Variants in EVI5 observed in about 807,000 individuals in gnomAD.
EVI5 encodes ecotropic viral integration site 5.
EVI5 carries 73 observed loss-of-function variants against 112.0 expected under a neutral mutation model. That is an observed-to-expected ratio of 0.65 (90% CI 0.54 to 0.79). The LOEUF (loss-of-function observed/expected upper bound fraction) is 0.79, where lower values mean the gene tolerates loss of function less well. Among genes scored for constraint, EVI5 ranks in the 30% least tolerant of loss-of-function variants. The pLI, the probability that EVI5 is intolerant of heterozygous loss-of-function variation, is 0.00. For missense variants in EVI5, 900 were observed against 968.8 expected (o/e 0.93, Z 0.94); for synonymous variants, 305 against 319.9 (o/e 0.95, Z 0.50).
chr1:92,610,790 GA>G (rs916239686), intron 16 of EVI5, among the ~76,000 whole-genome samples: 37 of 147,186 alleles, frequency 2.5e-4, no homozygotes, highest in South Asian at 1.5e-3. Flanking sequence ...GGATAAAATA[GA>G]AAAAAAAAAG....
intron 1 of EVI5, among the ~76,000 whole-genome samples, chr1:92,777,446 G>A (rs531180802): frequency 4.6e-5 from 7 of 152,074 alleles, no homozygotes; most frequent in East Asian, 1.9e-4. Flanking sequence ...CAAATAGCTC[G>A]TTAAACCGGA....
intron 5 of EVI5, among the ~76,000 whole-genome samples, chr1:92,699,091 C>G (rs1254401811): frequency 6.6e-6 from 1 of 152,170 alleles, no homozygotes; most frequent in Admixed American, 6.5e-5. Flanking sequence ...AATAACAAGA[C>G]ATTTTTCCTG....
chr1:92,546,941 A>G (rs1309291252), intron 19 of EVI5, among the ~76,000 whole-genome samples: 3 of 152,200 alleles, frequency 2.0e-5, no homozygotes, highest in Non-Finnish European at 4.4e-5. Context: ...CAGATTAACG[A>G]GACAGAAAGT....
rs553403427 is a variant in EVI5 at position 92,575,291 on chromosome 1, G to A, written c.2071-11554C>T. Among the ~76,000 whole-genome samples the A allele has an allele frequency of 1.7e-3, 260 of 152,206 alleles. 1 individual carries two copies. The highest frequency in any genetic ancestry group is 5.6e-3 in the African/African-American group (232 of 41,510). On this transcript the variant is annotated intron_variant, in intron 18 of 19. Transcript: ENST00000684568. ...CACAGATTTTTTTCCTGAACCACTG[G>A]AATGTAAATTGCAGGTGTCATGACA...
chr1:92,712,878 C>T (rs1343531949), intron 2 of EVI5, among the ~76,000 whole-genome samples: 2 of 151,492 alleles, frequency 1.3e-5, no homozygotes, highest in African/African-American at 4.8e-5. Context: ...TAATGCAGTC[C>T]ACTTATGCAA....
At chr1:92,650,236 T>C (rs1020454089) in intron 13 of EVI5, among the ~76,000 whole-genome samples, 3 of 152,244 alleles carry the variant, frequency 2.0e-5, no homozygotes, top group Non-Finnish European at 4.4e-5. Context: ...TTTGATAGGT[T>C]TGATAGGATT....
chr1:92,747,165 T>C (rs1679386161), intron 1 of EVI5, among the ~76,000 whole-genome samples: 1 of 152,112 alleles, frequency 6.6e-6, no homozygotes. Context: ...CAGTACTGTA[T>C]AACAACTACT....
rs564037909 is a variant in EVI5 at position 92,613,179 on chromosome 1, G to A, written c.1828-5452C>T. Among the ~76,000 whole-genome samples, 8 of 152,276 alleles carry A rather than the reference G, an allele frequency of 5.3e-5. No individual in the cohort carries two copies. In the East Asian group the frequency reaches 1.5e-3, roughly 29 times the overall value. ...GAAAGCCATTGCATCTTGGGGAAGG[G>A]GCAGAACTGCGTTTTGTGCCTAGTA... On this transcript the variant is annotated intron_variant, in intron 16 of 19. Transcript: ENST00000684568.
chr1:92,602,749 T>C (rs1293088786), intron 18 of EVI5, among the ~76,000 whole-genome samples: 1 of 152,142 alleles, frequency 6.6e-6, no homozygotes, highest in Non-Finnish European at 1.5e-5. Context: ...CTTTTGAAGA[T>C]AGTTTTGATA....
At chr1:92,620,858 C>A (rs1654399038) in intron 16 of EVI5, among the ~76,000 whole-genome samples, 1 of 152,090 alleles carries the variant, frequency 6.6e-6, no homozygotes, top group African/African-American at 2.4e-5. Context: ...TTTTCAATTT[C>A]TATGAAAGAA....
chr1:92,618,977 A>G (rs1653875552), intron 16 of EVI5, among the ~76,000 whole-genome samples: 1 of 152,198 alleles, frequency 6.6e-6, no homozygotes, highest in African/African-American at 2.4e-5. Context: ...TAGTTGTATT[A>G]TGTTAGGCAT....
rs183373321 is a variant in EVI5, at chr1:92,509,939, G to A, written c.*3717C>T. 10 of 152,142 alleles carry A rather than the reference G, an allele frequency of 6.6e-5. No homozygotes were observed. The East Asian group carries it at 1.5e-3, about 23-fold the overall frequency. The allele number at this position is 152,142 out of a possible 1,614,324, so 9.4% of individuals were successfully genotyped here. On this transcript the variant is annotated 3_prime_UTR_variant, in exon 20 of 20. Coordinates refer to ENST00000684568, the MANE Select transcript of EVI5 (RefSeq NM_001350197.2). ...TGTCAGTAATTAAATAAAATTCATC[G>A]AGAACATTGTTCAATGCTTCAAAGT... is the stretch of plus-strand genomic sequence containing the variant.
chr1:92,698,070 C>T, intron 5 of EVI5, 85 bp from the exon 6 acceptor site: 1 of 1,267,576 alleles, frequency 7.9e-7, no homozygotes, highest in Non-Finnish European at 1.1e-6. Context: ...AGTACACAGC[C>T]AACCACAAAC....
chr1:92,730,308 T>C (rs139018874), intron 2 of EVI5, among the ~76,000 whole-genome samples: 352 of 152,074 alleles, frequency 2.3e-3, no homozygotes, highest in Non-Finnish European at 4.0e-3. Context: ...CAAGCCCTGA[T>C]TGTGCCACTG....
In EVI5 at chr1:92,662,735, T is replaced by A. The variant is rs1664236133; in HGVS notation, c.1376A>T (p.Gln459Leu). The change falls in exon 13 of 20, where the codon CAG becomes CTG. Residue 459 changes from glutamine to leucine, a missense_variant. Transcript: ENST00000684568. ...EQAENTIRKL[Q>L]HQQQWHKCSS... is the part of the protein sequence containing the mutation. ...ACTCCTTACCCATTGTTGTTGGTGCTGGAGCTTCCTGATGGTATTTTCAGC... is the reference window on the plus strand; with the variant it reads ...ACTCCTTACCCATTGTTGTTGGTGCAGGAGCTTCCTGATGGTATTTTCAGC... 7.8e-7 allele frequency: 1 copy of A among 1,281,880 alleles called. No individual in the cohort carries two copies. Among genetic ancestry groups the A allele is most frequent in the African/African-American group, 1.5e-5 (1 of 65,376 alleles). The allele number at this position is 1,281,880 out of a possible 1,614,324, so 79.4% of individuals were successfully genotyped here. A position where few individuals can be genotyped will look rare whatever the true frequency, so the allele number is the denominator to read the frequency against.
chr1:92,635,568 G>A (rs1658621997), intron 14 of EVI5, among the ~76,000 whole-genome samples: 1 of 152,162 alleles, frequency 6.6e-6, no homozygotes, highest in Non-Finnish European at 1.5e-5. Flanking sequence ...TTTTCCAGGT[G>A]CCGTCCATCA....
intron 1 of EVI5, among the ~76,000 whole-genome samples, chr1:92,766,823 T>A (rs11585590): frequency 0.2 from 31,009 of 152,156 alleles, 3,695 homozygotes; most frequent in Non-Finnish European, 0.26. Context: ...GATTCAAGCC[T>A]ATAATCCCAG....
At chr1:92,726,473 T>G (rs1394751530) in intron 2 of EVI5, among the ~76,000 whole-genome samples, 1 of 152,084 alleles carries the variant, frequency 6.6e-6, no homozygotes, top group East Asian at 1.9e-4. Context: ...AAGAAATATA[T>G]GTAAAAATCA....
intron 14 of EVI5, among the ~76,000 whole-genome samples, chr1:92,632,723 A>T (rs1657474394): frequency 6.6e-6 from 1 of 151,936 alleles, no homozygotes; most frequent in Admixed American, 6.6e-5. Context: ...TAGTTTTTGA[A>T]TGTGTTTGCT....
Sources: gnomAD v4.1 joint callset for allele counts (sites outside exome capture counted in the v4.1 genomes callset) on GRCh38, gnomAD v4.1.1 for gene constraint, MANE v1.5 for transcripts, NCBI Gene and HGNC (gene_info 2026-07-23, HGNC 2026-07-21) for gene names.